The following BMPR2 variants were observed in gnomAD, a reference collection of about 807,000 sequenced individuals.
BMPR2 encodes bone morphogenetic protein receptor type-2.
In BMPR2, 29 loss-of-function variants were observed where a neutral mutation model predicts 100.8. That is an observed-to-expected ratio of 0.29 (90% CI 0.21 to 0.39). The LOEUF (loss-of-function observed/expected upper bound fraction) is 0.39, where lower values mean the gene tolerates loss of function less well. BMPR2 is among the 10% of genes least tolerant of loss of function. BMPR2 has a pLI of 1.00. For missense variants in BMPR2, 1,011 were observed against 1,274.5 expected (o/e 0.79, Z 3.15); for synonymous variants, 382 against 442.3 (o/e 0.86, Z 1.71).
At chr2:202,439,975 G>A (rs535963164) in intron 1 of BMPR2, among the ~76,000 whole-genome samples, 3 of 150,150 alleles carry the variant, frequency 2.0e-5, no homozygotes, top group Non-Finnish European at 4.4e-5. Context: ...ATCTTGCACC[G>A]CCCTTAATCC....
At chr2:202,398,825 A>G (rs1387699112) in intron 1 of BMPR2, among the ~76,000 whole-genome samples, 1 of 152,140 alleles carries the variant, frequency 6.6e-6, no homozygotes, top group Non-Finnish European at 1.5e-5. Flanking sequence ...GCACTTATGT[A>G]CTTGTTAAGA....
intron 3 of BMPR2, among the ~76,000 whole-genome samples, chr2:202,477,833 C>T (rs1477811416): frequency 2.6e-5 from 4 of 152,004 alleles, no homozygotes; most frequent in Non-Finnish European, 5.9e-5. Flanking sequence ...GAAGTTGTTC[C>T]TGAAAAACCA....
At chr2:202,536,627 C>A (rs764931196) in intron 9 of BMPR2, among the ~76,000 whole-genome samples, 1 of 151,876 alleles carries the variant, frequency 6.6e-6, no homozygotes, top group Non-Finnish European at 1.5e-5. Flanking sequence ...AATCCCAGCA[C>A]CTTAGGAGGC....
At chr2:202,385,882 A>G (rs116578673) in intron 1 of BMPR2, among the ~76,000 whole-genome samples, 75 of 152,270 alleles carry the variant, frequency 4.9e-4, no homozygotes, top group African/African-American at 1.5e-3. Flanking sequence ...TCTCTAATAA[A>G]CAATGCCATA....
chr2:202,494,151 A>G (rs550814405), intron 3 of BMPR2, among the ~76,000 whole-genome samples: 1 of 152,378 alleles, frequency 6.6e-6, no homozygotes, highest in South Asian at 2.1e-4. Flanking sequence ...CATAGTACAG[A>G]AACAATATCA....
In BMPR2 at chr2:202,482,031, CTA is replaced by C. The variant is rs71845806; in HGVS notation, c.418+14344_418+14345del. Among the ~76,000 whole-genome samples the C allele has an allele frequency of 6.3e-3, 960 of 152,260 alleles. 13 individuals are homozygous for C. The highest frequency in any genetic ancestry group is 0.022 in the African/African-American group (895 of 41,556). ...TCCAGCCACCCTCTACTTTCTGTCT[CTA>C]TGAATTTGACTACTCTAAGTATATC... On this transcript the variant is annotated intron_variant, in intron 3 of 12. Transcript: ENST00000374580.
In BMPR2 at chr2:202,376,511, A is replaced by AGGC. The variant is rs375624016; in HGVS notation, c.-930_-928dup. 0.072 allele frequency among the ~76,000 whole-genome samples: 9,017 copies of AGGC among 125,796 alleles called. 387 individuals carry two copies. The highest frequency in any genetic ancestry group is 0.11 in the Middle Eastern group (28 of 258). The allele number at this position is 125,796 out of a possible 152,430, so 82.5% of individuals were successfully genotyped here. On this transcript the variant is annotated 5_prime_UTR_variant, in exon 1 of 13. Coordinates refer to ENST00000374580, the MANE Select transcript of BMPR2 (RefSeq NM_001204.7). ...AGGAGCCCAGAGCTGCGGGAGAACG[A>AGGC]GGCGGCGGCGGCGGCGGCGGCGGCG... is the stretch of plus-strand genomic sequence containing the variant.
Position 202,503,452 on chromosome 2 carries a change from G to T in BMPR2, c.419-10267G>T, listed in dbSNP as rs1687448416. On this transcript the variant is annotated intron_variant, in intron 3 of 12. Coordinates refer to ENST00000374580, the MANE Select transcript of BMPR2 (RefSeq NM_001204.7). This position sits in a 1 kb window ranked among gnomAD's most constrained non-coding sequence, Gnocchi z 4.0. Reference sequence around the variant, plus strand: ...GCCAGCCGGAGTTCCGGTTGGGCATGGGCTTGGCGGGCCCCGCACTCGGAG... The same window carrying T: ...GCCAGCCGGAGTTCCGGTTGGGCATTGGCTTGGCGGGCCCCGCACTCGGAG... Among the ~76,000 whole-genome samples, 2 of 152,258 alleles carry T rather than the reference G, an allele frequency of 1.3e-5. No homozygotes were observed. The highest frequency in any genetic ancestry group is 6.5e-5 in the Admixed American group (1 of 15,294).
At chr2:202,539,346 A>C (rs1219860320) in intron 9 of BMPR2, among the ~76,000 whole-genome samples, 1 of 152,198 alleles carries the variant, frequency 6.6e-6, no homozygotes, top group African/African-American at 2.4e-5. Context: ...TACAGAACAC[A>C]GAAATCATGT....
intron 7 of BMPR2, among the ~76,000 whole-genome samples, chr2:202,524,291 C>T (rs772906394): frequency 4.0e-5 from 6 of 149,352 alleles, no homozygotes; most frequent in Non-Finnish European, 5.9e-5. Flanking sequence ...GAACCCGGTA[C>T]GCGGGGCTTG....
intron 1 of BMPR2, among the ~76,000 whole-genome samples, chr2:202,397,301 C>T (rs550287665): frequency 1.3e-5 from 2 of 152,156 alleles, no homozygotes; most frequent in East Asian, 3.9e-4. Flanking sequence ...AAACTAACCC[C>T]AATTTCAGAA....
intron 3 of BMPR2, among the ~76,000 whole-genome samples, chr2:202,480,472 GT>G (rs1187511648): frequency 6.6e-6 from 1 of 151,996 alleles, no homozygotes; most frequent in East Asian, 1.9e-4. Flanking sequence ...TTGCTGTTGT[GT>G]TTTTTTCTTG....
In BMPR2 at chr2:202,377,140, T is replaced by C. The variant is rs529212826; in HGVS notation, c.-335T>C. 60 of 586,250 alleles carry C rather than the reference T, an allele frequency of 1.0e-4. No individual in the cohort carries two copies. The South Asian group carries it at 1.2e-3, about 12-fold the overall frequency. 36.3% of individuals were successfully genotyped at this position (586,250 alleles called of 1,614,324 possible). ...TTTTCTCCCAGACCTGGATATTTTT[T>C]TGATATCGTGAAACTACGAGGGAAA... On this transcript the variant is annotated 5_prime_UTR_variant, in exon 1 of 13. Transcript: ENST00000374580.
At chr2:202,402,317 G>A (rs1004879606) in intron 1 of BMPR2, among the ~76,000 whole-genome samples, 2 of 151,932 alleles carry the variant, frequency 1.3e-5, no homozygotes, top group African/African-American at 4.8e-5. Context: ...AGGAGTTCAA[G>A]ACCAGCCTGA....
rs182830623 is a variant in BMPR2, at chr2:202,503,714, G to A, written c.419-10005G>A. ...TGATGAGTGCCGCCCCCTGCTCCACGGCGCCCAGTCCCATCAACCACCCAA... is the reference window on the plus strand; with the variant it reads ...TGATGAGTGCCGCCCCCTGCTCCACAGCGCCCAGTCCCATCAACCACCCAA... On this transcript the variant is annotated intron_variant, in intron 3 of 12. Coordinates refer to ENST00000374580, the MANE Select transcript of BMPR2 (RefSeq NM_001204.7). This position sits in a 1 kb window ranked among gnomAD's most constrained non-coding sequence, Gnocchi z 4.0. Among the ~76,000 whole-genome samples, 16 of 152,236 alleles carry A rather than the reference G, an allele frequency of 1.1e-4. No homozygotes were observed. The highest frequency in any genetic ancestry group is 7.8e-4 in the Admixed American group (12 of 15,298).
rs1264902336 is a variant in BMPR2 at position 202,376,801 on chromosome 2, C to T, written c.-674C>T. On this transcript the variant is annotated 5_prime_UTR_variant, in exon 1 of 13. Transcript: ENST00000374580. Reference sequence around the variant, plus strand: ...CTCCCCCGCTCCTACCTCTCCTCAGCCTTCGCCAGGGCCTCCCCAACCCTC... The same window carrying T: ...CTCCCCCGCTCCTACCTCTCCTCAGTCTTCGCCAGGGCCTCCCCAACCCTC... 7.5e-6 allele frequency: 3 copies of T among 402,244 alleles called. No homozygotes were observed. Among genetic ancestry groups the T allele is most frequent in the Non-Finnish European group, 1.3e-5 (3 of 229,684 alleles). The allele number at this position is 402,244 out of a possible 1,614,324, so 24.9% of individuals were successfully genotyped here. A position where few individuals can be genotyped will look rare whatever the true frequency, so the allele number is the denominator to read the frequency against.
chr2:202,420,125 G>A (rs1229889623), intron 1 of BMPR2, among the ~76,000 whole-genome samples: 1 of 151,766 alleles, frequency 6.6e-6, no homozygotes, highest in Non-Finnish European at 1.5e-5. Context: ...AGTTATAATT[G>A]AATAATTAAT....
intron 1 of BMPR2, among the ~76,000 whole-genome samples, chr2:202,378,216 C>T (rs1322799181): frequency 6.6e-6 from 1 of 152,206 alleles, no homozygotes; most frequent in Non-Finnish European, 1.5e-5. Flanking sequence ...GGAGATTTGA[C>T]TCCGAAAGTT....
At position 202,530,917 on chromosome 2, in the gene BMPR2, T is replaced by C; in HGVS notation, c.1091T>C (p.Val364Ala). 1 of 1,614,136 alleles carries C rather than the reference T, an allele frequency of 6.2e-7. No homozygotes were observed. Among genetic ancestry groups the C allele is most frequent in the Non-Finnish European group, 8.5e-7 (1 of 1,180,008 alleles). The stretch of plus-strand genomic sequence containing the variant: ...ATGAGGCTGACTGGAAATAGACTGG[T>C]GCGCCCAGGGGAGGAAGATAATGCA... ...LSMRLTGNRLVRPGEEDNAAI... is the reference protein window; with the variant it reads ...LSMRLTGNRLARPGEEDNAAI... Residue 364 changes from valine to alanine, a missense_variant, in exon 8 of 13, where the codon GTG becomes GCG. Val to Ala is a moderately conservative substitution (Grantham distance 64, BLOSUM62 0). This residue lies in a region of BMPR2 where 355 missense variants were observed against 455.3 expected (regional missense o/e 0.78). Transcript: ENST00000374580.
Sources: allele counts gnomAD v4.1 joint callset (sites outside exome capture counted in the v4.1 genomes callset), GRCh38; gene constraint gnomAD v4.1.1; regional missense constraint gnomAD v4.1.1; non-coding constraint Gnocchi (gnomAD v3.1); transcripts MANE v1.5; gene names NCBI Gene and HGNC (gene_info 2026-07-23, HGNC 2026-07-21).